STYK1: variants seen among roughly 807,000 people sequenced by gnomAD.
STYK1 encodes tyrosine-protein kinase STYK1.
A neutral mutation model predicts 48.1 loss-of-function variants in STYK1; 46 were observed. That is an observed-to-expected ratio of 0.96 (90% CI 0.75 to 1.22). The LOEUF is 1.22. Ranked by LOEUF, STYK1 falls within the 50% of genes most tolerant of loss-of-function variation. STYK1 has a pLI of 0.00. For synonymous variants in STYK1, 188 were observed against 189.0 expected, an observed-to-expected ratio of 0.99 and a Z score of 0.04; for missense variants, 527 against 521.1, an observed-to-expected ratio of 1.01 and a Z score of -0.11.
At chr12:10,620,408 C>A in intron 10 of STYK1, 60 bp from the exon 11 acceptor site, 1 of 1,504,898 alleles carries the variant, frequency 6.6e-7, no homozygotes, top group South Asian at 1.1e-5. Context: ...GGGAGCATGT[C>A]TCCTCTCCTC....
chr12:10,673,245 T>C (rs1361704496), intron 1 of STYK1, among the ~76,000 whole-genome samples: 1 of 151,842 alleles, frequency 6.6e-6, no homozygotes, highest in Non-Finnish European at 1.5e-5. Flanking sequence ...GCCGTGGTGG[T>C]GGGAGCCTGT....
chr12:10,634,910 G>T (rs1947469592), intron 2 of STYK1, among the ~76,000 whole-genome samples: 1 of 151,922 alleles, frequency 6.6e-6, no homozygotes, highest in Non-Finnish European at 1.5e-5. Flanking sequence ...ACAGCAAAGA[G>T]CTCTGATCTG....
intron 5 of STYK1, 111 bp downstream of exon 5, chr12:10,630,934 T>C: frequency 7.1e-7 from 1 of 1,404,214 alleles, no homozygotes; most frequent in East Asian, 2.3e-5. Context: ...TATTACCTTC[T>C]TCTGTACACA....
rs764398352 is a variant in STYK1 at position 10,629,510 on chromosome 12, G to C, written c.616C>G (p.Leu206Val). The C allele has an allele frequency of 6.2e-7, 1 of 1,614,128 alleles. No individual in the cohort carries two copies. The highest frequency in any genetic ancestry group is 8.5e-7 in the Non-Finnish European group (1 of 1,180,024). The change falls in exon 6 of 11, where the codon CTC becomes GTC. Residue 206 changes from leucine (L) to valine (V), a missense_variant. Leu to Val is a conservative substitution (Grantham distance 32). Transcript: ENST00000075503. The part of the protein sequence containing the change: ...DVAQGDLLSF[L>V]WTCRRDVMTM... ...CTGCTCACCCGCCGACAGGTCCAGA[G>C]AAAGCTGAGCAGGTCCCCCTGGGCC... is the stretch of plus-strand genomic sequence containing the variant.
At chr12:10,660,840 C>A (rs1460315753) in intron 1 of STYK1, among the ~76,000 whole-genome samples, 4 of 152,136 alleles carry the variant, frequency 2.6e-5, no homozygotes, top group Non-Finnish European at 5.9e-5. Context: ...AGAGGAGAAA[C>A]CCTCCGTTCT....
At chr12:10,647,884 A>T (rs1443175436) in intron 1 of STYK1, among the ~76,000 whole-genome samples, 1 of 152,098 alleles carries the variant, frequency 6.6e-6, no homozygotes, top group African/African-American at 2.4e-5. Flanking sequence ...ATAAGATGTG[A>T]CTTGCTCTGC....
At chr12:10,648,723 G>A (rs546105522) in intron 1 of STYK1, among the ~76,000 whole-genome samples, 48 of 151,916 alleles carry the variant, frequency 3.2e-4, no homozygotes, top group African/African-American at 9.4e-4. Flanking sequence ...TTGATCTCCC[G>A]GGTGGCTAAT....
chr12:10,623,388 A>G (rs908656554), intron 8 of STYK1, among the ~76,000 whole-genome samples: 3 of 152,206 alleles, frequency 2.0e-5, no homozygotes, highest in African/African-American at 7.2e-5. Context: ...CATGGCATTC[A>G]TGGCTAGCAG....
intron 1 of STYK1, among the ~76,000 whole-genome samples, chr12:10,653,376 G>A (rs1947684408): frequency 3.3e-5 from 5 of 152,048 alleles, no homozygotes; most frequent in Non-Finnish European, 5.9e-5. Flanking sequence ...TTTCTAGAGA[G>A]TTGCATGTAA....
intron 1 of STYK1, among the ~76,000 whole-genome samples, chr12:10,653,569 T>C (rs1947686322): frequency 6.6e-6 from 1 of 152,224 alleles, no homozygotes; most frequent in Non-Finnish European, 1.5e-5. Flanking sequence ...TTCTCTATCA[T>C]TTTAAGCAAG....
At chr12:10,648,480 GA>G (rs1404680742) in intron 1 of STYK1, among the ~76,000 whole-genome samples, 1 of 151,958 alleles carries the variant, frequency 6.6e-6, no homozygotes, top group Non-Finnish European at 1.5e-5. Flanking sequence ...TGAGTTCACT[GA>G]AACAAAATGT....
chr12:10,643,642 A>G (rs556120938), intron 1 of STYK1, among the ~76,000 whole-genome samples: 4 of 152,320 alleles, frequency 2.6e-5, no homozygotes, highest in Non-Finnish European at 4.4e-5. Context: ...GGGCAATAGG[A>G]AGGAAGTCAA....
intron 1 of STYK1, among the ~76,000 whole-genome samples, chr12:10,659,349 T>C (rs1291485565): frequency 1.3e-5 from 2 of 152,220 alleles, no homozygotes; most frequent in East Asian, 1.9e-4. Context: ...TTACGGAATA[T>C]AGTTATTTGC....
At chr12:10,669,907 T>C (rs1947874272) in intron 1 of STYK1, among the ~76,000 whole-genome samples, 1 of 151,858 alleles carries the variant, frequency 6.6e-6, no homozygotes, top group African/African-American at 2.4e-5. Flanking sequence ...TCAGGGAAAA[T>C]GCAAGTTAAA....
Position 10,672,855 on chromosome 12 carries a change from T to C in STYK1, c.-195+1111A>G, listed in dbSNP as rs1459332902. Among the ~76,000 whole-genome samples, 1 of 152,186 alleles carries C rather than the reference T, an allele frequency of 6.6e-6. No individual in the cohort carries two copies. The highest frequency in any genetic ancestry group is 1.5e-5 in the Non-Finnish European group (1 of 68,026). On this transcript the variant is annotated intron_variant, in intron 1 of 10. Transcript: ENST00000075503. The surrounding 1 kb of genome is among the most constrained non-coding windows in gnomAD (Gnocchi z 4.0). ...GAAGCAAATACTTCATGATGTCTCA[T>C]TGAAAGACCTAGCTGCCCCCTAGCT...
At chr12:10,641,822 T>C (rs1262014392) in intron 1 of STYK1, among the ~76,000 whole-genome samples, 1 of 152,136 alleles carries the variant, frequency 6.6e-6, no homozygotes, top group Non-Finnish European at 1.5e-5. Flanking sequence ...AAGGGCAGTT[T>C]CCCCTCCCTA....
In STYK1 at chr12:10,670,882, T is replaced by C. The variant is rs148835202; in HGVS notation, c.-195+3084A>G. Among the ~76,000 whole-genome samples, 1,234 of 149,552 alleles carry C rather than the reference T, an allele frequency of 8.3e-3. 9 individuals carry two copies. The highest frequency in any genetic ancestry group is 0.029 in the African/African-American group (1,183 of 41,076). On this transcript the variant is annotated intron_variant, in intron 1 of 10. Transcript: ENST00000075503. ...TTTAATTAAACATAAATTTTAAATA[T>C]ACATATAATAAAAATAAAGAATACC...
chr12:10,623,580 T>C (rs1464842661), intron 8 of STYK1, among the ~76,000 whole-genome samples: 1 of 152,186 alleles, frequency 6.6e-6, no homozygotes, highest in East Asian at 1.9e-4. Flanking sequence ...GTTATCTTCC[T>C]TCAAACAAAG....
intron 1 of STYK1, among the ~76,000 whole-genome samples, chr12:10,649,894 C>T (rs7968001): frequency 0.041 from 6,186 of 151,962 alleles, 416 homozygotes; most frequent in African/African-American, 0.14. Context: ...GGGCGGATCG[C>T]GAGGTCAGGA....
Sources: allele counts gnomAD v4.1 joint callset (sites outside exome capture counted in the v4.1 genomes callset), GRCh38; gene constraint gnomAD v4.1.1; non-coding constraint Gnocchi (gnomAD v3.1); transcripts MANE v1.5; gene names NCBI Gene and HGNC (gene_info 2026-07-23, HGNC 2026-07-21).